RASGRF1: variants seen among roughly 807,000 people sequenced by gnomAD.
RASGRF1 encodes the protein ras-specific guanine nucleotide-releasing factor 1.
A neutral mutation model predicts 138.7 loss-of-function variants in RASGRF1; 40 were observed. That is an observed-to-expected ratio of 0.29 (90% CI 0.22 to 0.38). RASGRF1 has a LOEUF of 0.38. Among genes scored for constraint, RASGRF1 ranks in the 10% least tolerant of loss-of-function variants. The pLI, the probability that RASGRF1 is intolerant of heterozygous loss-of-function variation, is 1.00. For missense variants in RASGRF1, 1,108 were observed against 1,650.4 expected, an observed-to-expected ratio of 0.67 and a Z score of 5.69; for synonymous variants, 614 against 663.2, an observed-to-expected ratio of 0.93 and a Z score of 1.14.
At chr15:79,075,377 C>T (rs56319962) in intron 1 of RASGRF1, among the ~76,000 whole-genome samples, 55,079 of 151,984 alleles carry the variant, frequency 0.36, 10,847 homozygotes, top group African/African-American at 0.52. Flanking sequence ...TGAGCTCCAG[C>T]GCATACCTGG....
At chr15:79,090,191 G>T in intron 1 of RASGRF1, 32 bp downstream of exon 1, 2 of 1,561,764 alleles carry the variant, frequency 1.3e-6, no homozygotes, top group Non-Finnish European at 1.7e-6. Context: ...CGGCCGGGAC[G>T]CAGGGAGGTC....
chr15:79,034,288 GA>G (rs529472193), intron 6 of RASGRF1, among the ~76,000 whole-genome samples: 20 of 144,542 alleles, frequency 1.4e-4, no homozygotes, highest in East Asian at 2.0e-4. Flanking sequence ...TTAAGAAAGT[GA>G]AAAAAAAAAA....
chr15:79,011,345 G>C (rs1276702683), intron 13 of RASGRF1, among the ~76,000 whole-genome samples: 1 of 152,198 alleles, frequency 6.6e-6, no homozygotes, highest in African/African-American at 2.4e-5. Flanking sequence ...GCTAAGTACA[G>C]AAGATTTATA....
chr15:79,066,772 G>T (rs1272172692), intron 1 of RASGRF1, among the ~76,000 whole-genome samples: 1 of 152,194 alleles, frequency 6.6e-6, no homozygotes, highest in Non-Finnish European at 1.5e-5. Context: ...AGACCCTCCA[G>T]GCCTGAACCC....
chr15:79,006,119 C>A lies in RASGRF1; in HGVS notation c.2075+67G>T. The A allele has an allele frequency of 6.2e-7, 1 of 1,602,162 alleles. No individual in the cohort carries two copies. Among genetic ancestry groups the A allele is most frequent in the Non-Finnish European group, 8.5e-7 (1 of 1,172,382 alleles). ...TTCCAGGTCACCCCCCGGCCCCGTG[C>A]AAGCTCAGTTTTCCTCCAAGGCTTG... On this transcript the variant is annotated intron_variant, in intron 14 of 26. Transcript: ENST00000558480. The surrounding 1 kb of genome is among the most constrained non-coding windows in gnomAD (Gnocchi z 4.0).
At chr15:79,065,949 A>G (rs1176289497) in intron 1 of RASGRF1, among the ~76,000 whole-genome samples, 2 of 150,710 alleles carry the variant, frequency 1.3e-5, no homozygotes, top group Non-Finnish European at 3.0e-5. Flanking sequence ...AGAGAGAGAG[A>G]GAGGAGAGAG....
In RASGRF1 at chr15:79,090,640, C is replaced by T; in HGVS notation, c.-142G>A. On this transcript the variant is annotated 5_prime_UTR_variant, in exon 1 of 27. It adds an upstream start codon to the 5' untranslated region. Transcript: ENST00000558480. ...TCTCCCCTCCCCCCAAATATCTACA[C>T]TCCAGGATCTGGCGCCGAGCCGCGG... The T allele has an allele frequency of 8.5e-7, 1 of 1,182,158 alleles. No individual in the cohort carries two copies. The highest frequency in any genetic ancestry group is 1.2e-6 in the Non-Finnish European group (1 of 850,526). The allele number at this position is 1,182,158 out of a possible 1,614,324, so 73.2% of individuals were successfully genotyped here. A position where few individuals can be genotyped will look rare whatever the true frequency, so the allele number is the denominator to read the frequency against.
Position 78,973,237 on chromosome 15 carries a change from G to T in RASGRF1, c.3612+66C>A. ...GGGCCTTGGGGGGCAGAGTGTGGGT[G>T]GGCCCCAGGTTGAGTCATCTGGGCT... is the stretch of plus-strand genomic sequence containing the variant. On this transcript the variant is annotated intron_variant, in intron 25 of 26. Coordinates refer to ENST00000558480, the MANE Select transcript of RASGRF1 (RefSeq NM_001145648.3). This position sits in a 1 kb window ranked among gnomAD's most constrained non-coding sequence, Gnocchi z 4.9. The T allele has an allele frequency of 7.6e-7, 1 of 1,314,306 alleles. No homozygotes were observed. The highest frequency in any genetic ancestry group is 1.1e-6 in the Non-Finnish European group (1 of 940,052). The allele number at this position is 1,314,306 out of a possible 1,614,324, so 81.4% of individuals were successfully genotyped here. A position where few individuals can be genotyped will look rare whatever the true frequency, so the allele number is the denominator to read the frequency against.
chr15:79,047,115 G>C lies in RASGRF1; in HGVS notation c.625-116C>G, dbSNP rs1567573180. 5.4e-6 allele frequency: 7 copies of C among 1,300,344 alleles called. No homozygotes were observed. In the South Asian group the frequency reaches 1.0e-4, roughly 19 times the overall value. 80.6% of individuals were successfully genotyped at this position (1,300,344 alleles called of 1,614,324 possible). On this transcript the variant is annotated intron_variant, in intron 4 of 26. Transcript: ENST00000558480. ...CCAAGGCTTTGTTATTCCTACGCCG[G>C]GCATGTAGCAAAAAGAGCTCAGATG... is the stretch of plus-strand genomic sequence containing the variant.
At position 79,016,858 on chromosome 15, in the gene RASGRF1, T is replaced by C. The variant is rs137963956; in HGVS notation, c.1743+912A>G. Among the ~76,000 whole-genome samples the C allele has an allele frequency of 1.8e-4, 27 of 152,320 alleles. No homozygotes were observed. The East Asian group carries it at 5.0e-3, about 28-fold the overall frequency. On this transcript the variant is annotated intron_variant, in intron 12 of 26. Coordinates refer to ENST00000558480, the MANE Select transcript of RASGRF1 (RefSeq NM_001145648.3). ...GCCGTCCTAGGTCCCACGAAGATGC[T>C]GCCCTGCCCTTTCAGTTTCTACAGG...
At chr15:79,001,338 C>T (rs1414731867) in intron 16 of RASGRF1, among the ~76,000 whole-genome samples, 1 of 151,264 alleles carries the variant, frequency 6.6e-6, no homozygotes, top group African/African-American at 2.4e-5. Context: ...CAGGATCTTC[C>T]ACGAATGAGC....
intron 1 of RASGRF1, among the ~76,000 whole-genome samples, chr15:79,078,469 G>A (rs1469462134): frequency 6.6e-6 from 1 of 152,170 alleles, no homozygotes; most frequent in Non-Finnish European, 1.5e-5. Context: ...CCCAAGTCAG[G>A]GAATACTTCC....
chr15:79,072,104 G>A (rs1436035601), intron 1 of RASGRF1, among the ~76,000 whole-genome samples: 5 of 152,012 alleles, frequency 3.3e-5, no homozygotes. Flanking sequence ...TTTGGTTCAA[G>A]GCCCAAGCTC....
Position 79,079,971 on chromosome 15 carries a change from A to G in RASGRF1, c.276+10252T>C, listed in dbSNP as rs142244355. ...CACTGAGCATGCTCAGCCTCCCCTA[A>G]GAGCCAGCAGATGCGACTCATGGGG... On this transcript the variant is annotated intron_variant, in intron 1 of 26. Coordinates refer to ENST00000558480, the MANE Select transcript of RASGRF1 (RefSeq NM_001145648.3). 5.1e-4 allele frequency among the ~76,000 whole-genome samples: 78 copies of G among 152,288 alleles called. 1 individual carries two copies. The highest frequency in any genetic ancestry group is 1.7e-3 in the African/African-American group (71 of 41,562).
chr15:78,983,135 G>A (rs769271709), intron 23 of RASGRF1, among the ~76,000 whole-genome samples: 66 of 152,240 alleles, frequency 4.3e-4, no homozygotes, highest in Non-Finnish European at 7.6e-4. Flanking sequence ...CCTGTAGAGA[G>A]AGAATGAACT....
In RASGRF1 at chr15:78,962,197, C is replaced by T. The variant is rs1383984262; in HGVS notation, c.3721G>A (p.Glu1241Lys). The T allele has an allele frequency of 6.3e-7, 1 of 1,586,810 alleles. No individual in the cohort carries two copies. The highest frequency in any genetic ancestry group is 2.3e-5 in the East Asian group (1 of 44,144). The change falls in exon 27 of 27, where the codon GAA becomes AAA. Residue 1241 changes from glutamate to lysine, a missense_variant. Glu to Lys is a moderately conservative substitution (Grantham distance 56). Coordinates refer to ENST00000558480, the MANE Select transcript of RASGRF1 (RefSeq NM_001145648.3). ...AGAGAAGACTCGTAGAGGCTTTCTT[C>T]ATCCATTACAAAAGATTGGTCCAGT... is the stretch of plus-strand genomic sequence containing the variant. Reference protein sequence around the residue: ...YLLDQSFVMDEESLYESSLRI... With the variant: ...YLLDQSFVMDKESLYESSLRI...
intron 4 of RASGRF1, among the ~76,000 whole-genome samples, chr15:79,048,611 G>A (rs990546962): frequency 2.0e-5 from 3 of 152,164 alleles, no homozygotes; most frequent in African/African-American, 7.2e-5. Context: ...TTCTATTCTT[G>A]AGAAACCAGA....
At chr15:79,052,024 A>G (rs1294530279) in intron 3 of RASGRF1, among the ~76,000 whole-genome samples, 1 of 152,064 alleles carries the variant, frequency 6.6e-6, no homozygotes, top group African/African-American at 2.4e-5. Context: ...TCCTGCCCCT[A>G]CTTAGTTGAC....
chr15:78,974,255 G>A (rs1177185725), intron 24 of RASGRF1, among the ~76,000 whole-genome samples: 1 of 152,182 alleles, frequency 6.6e-6, no homozygotes, highest in East Asian at 1.9e-4. Context: ...GCTCCTTCTG[G>A]GGCCTCCTCC....
Sources: gnomAD v4.1 joint callset for allele counts (sites outside exome capture counted in the v4.1 genomes callset) on GRCh38, gnomAD v4.1.1 for gene constraint, Gnocchi (gnomAD v3.1) non-coding constraint, MANE v1.5 for transcripts, NCBI Gene and HGNC (gene_info 2026-07-23, HGNC 2026-07-21) for gene names.